Variants in ZNF385D observed in about 807,000 individuals in gnomAD.
ZNF385D encodes the protein zinc finger protein 385D, also known as zinc finger protein 659.
In ZNF385D, 15 loss-of-function variants were observed where a neutral mutation model predicts 35.8. That is an observed-to-expected ratio of 0.42 (90% CI 0.28 to 0.64). The LOEUF is 0.64. Among genes scored for constraint, ZNF385D ranks in the 30% least tolerant of loss-of-function variants. ZNF385D has a pLI of 0.23. For missense variants in ZNF385D, 474 were observed against 494.6 expected, an observed-to-expected ratio of 0.96 and a Z score of 0.39; for synonymous variants, 212 against 186.8, an observed-to-expected ratio of 1.13 and a Z score of -1.10.
chr3:21,657,248 T>C (rs1393177034), intron 2 of ZNF385D, among the ~76,000 whole-genome samples: 2 of 151,960 alleles, frequency 1.3e-5, no homozygotes, highest in Non-Finnish European at 2.9e-5. Flanking sequence ...TCTCTTTAGA[T>C]TTTGAATCAG....
intron 2 of ZNF385D, 110 bp downstream of exon 2, chr3:21,664,776 T>G (rs576275120): frequency 7.7e-6 from 11 of 1,430,036 alleles, no homozygotes; most frequent in Non-Finnish European, 2.9e-6. Context: ...AGACAAACCA[T>G]GCAATGAACA....
At chr3:21,926,500 T>A (rs1700737114) in intron 3 of ZNF385D, among the ~76,000 whole-genome samples, 1 of 152,192 alleles carries the variant, frequency 6.6e-6, no homozygotes, top group African/African-American at 2.4e-5. Context: ...TTCCATGGTG[T>A]ATATGTGCCA....
intron 2 of ZNF385D, among the ~76,000 whole-genome samples, chr3:22,264,353 C>T (rs147915301): frequency 1.4e-4 from 22 of 152,100 alleles, no homozygotes; most frequent in South Asian, 6.2e-4. Context: ...TAGGGCAGAA[C>T]GCCAATCCCA....
At chr3:22,162,966 G>A (rs533172145) in intron 3 of ZNF385D, among the ~76,000 whole-genome samples, 1 of 152,140 alleles carries the variant, frequency 6.6e-6, no homozygotes, top group Non-Finnish European at 1.5e-5. Context: ...CGTAAGAAAA[G>A]CAGGACATAG....
chr3:21,427,980 C>T (rs1394363161), intron 5 of ZNF385D, among the ~76,000 whole-genome samples: 1 of 152,032 alleles, frequency 6.6e-6, no homozygotes, highest in Admixed American at 6.6e-5. Flanking sequence ...GGTTACTATT[C>T]ACCATTAAAT....
At chr3:21,656,932 G>T (rs2066088381) in intron 2 of ZNF385D, among the ~76,000 whole-genome samples, 1 of 151,762 alleles carries the variant, frequency 6.6e-6, no homozygotes, top group South Asian at 2.1e-4. Context: ...TCTTATTTGG[G>T]TCCTCTTATT....
At chr3:21,589,637 A>G (rs1029978851) in intron 2 of ZNF385D, among the ~76,000 whole-genome samples, 1 of 152,296 alleles carries the variant, frequency 6.6e-6, no homozygotes, top group African/African-American at 2.4e-5. Flanking sequence ...AAGGATTAAT[A>G]TCCTTCAAAT....
intron 2 of ZNF385D, among the ~76,000 whole-genome samples, chr3:22,358,429 C>A (rs1350998950): frequency 6.6e-6 from 1 of 151,796 alleles, no homozygotes; most frequent in Non-Finnish European, 1.5e-5. Flanking sequence ...AAGTTGCATT[C>A]TGCATTCAAG....
chr3:22,125,137 T>C lies in ZNF385D; in HGVS notation c.325+43680A>G, dbSNP rs78297015. ...CTAGTCCCATTCTTTTGCATACATA[T>C]GTTCAGTTTACCCAGCATCATTATT... is the stretch of plus-strand genomic sequence containing the variant. On this transcript the variant is annotated intron_variant, in intron 3 of 5. Coordinates refer to the ZNF385D transcript ENST00000494108. Among the ~76,000 whole-genome samples, 983 of 152,262 alleles carry C rather than the reference T, an allele frequency of 6.5e-3. 17 individuals are homozygous for C. Among genetic ancestry groups the C allele is most frequent in the Non-Finnish European group, 8.5e-3 (581 of 67,986 alleles).
chr3:21,890,296 A>G (rs1011964633), intron 3 of ZNF385D, among the ~76,000 whole-genome samples: 4 of 152,202 alleles, frequency 2.6e-5, no homozygotes, highest in Non-Finnish European at 5.9e-5. Context: ...GTGGGAAAGA[A>G]AGAATGATGG....
intron 1 of ZNF385D, among the ~76,000 whole-genome samples, chr3:21,740,406 C>T (rs2125520613): frequency 6.6e-6 from 1 of 152,270 alleles, no homozygotes; most frequent in East Asian, 1.9e-4. Flanking sequence ...ATATAATCTT[C>T]AGGTAATTTG....
chr3:22,270,586 C>A (rs1247730419), intron 2 of ZNF385D, among the ~76,000 whole-genome samples: 1 of 151,830 alleles, frequency 6.6e-6, no homozygotes, highest in East Asian at 1.9e-4. Flanking sequence ...TTCCTAGATA[C>A]AATAAAATTT....
chr3:21,832,557 A>G (rs1181368354), intron 3 of ZNF385D, among the ~76,000 whole-genome samples: 1 of 152,174 alleles, frequency 6.6e-6, no homozygotes, highest in African/African-American at 2.4e-5. Context: ...AACATCTCCC[A>G]AACTTTAAGG....
At chr3:21,660,093 TG>T (rs1559496824) in intron 2 of ZNF385D, among the ~76,000 whole-genome samples, 1 of 150,358 alleles carries the variant, frequency 6.7e-6, no homozygotes, top group African/African-American at 2.4e-5. Flanking sequence ...TGCTAGGACT[TG>T]ATCTCTCTCT....
chr3:22,283,816 G>A (rs1312311430), intron 2 of ZNF385D, among the ~76,000 whole-genome samples: 2 of 152,110 alleles, frequency 1.3e-5, no homozygotes, highest in South Asian at 4.1e-4. Flanking sequence ...CTATGGGAAG[G>A]TACAATTTTC....
intron 2 of ZNF385D, among the ~76,000 whole-genome samples, chr3:22,333,844 G>C (rs1033645986): frequency 2.0e-5 from 3 of 152,164 alleles, no homozygotes; most frequent in Non-Finnish European, 4.4e-5. Flanking sequence ...ATACCAGAGA[G>C]AGAAATAGGC....
At chr3:22,259,700 A>AG (rs1473805091) in intron 2 of ZNF385D, among the ~76,000 whole-genome samples, 1 of 152,014 alleles carries the variant, frequency 6.6e-6, no homozygotes, top group African/African-American at 2.4e-5. Context: ...TAGGAAAAAA[A>AG]CTATGAGCAC....
intron 4 of ZNF385D, among the ~76,000 whole-genome samples, chr3:21,440,818 TAATC>T (rs1701821546): frequency 6.6e-6 from 1 of 152,152 alleles, no homozygotes; most frequent in South Asian, 2.1e-4. Flanking sequence ...TGTAGAATCA[TAATC>T]AGAAAGAAGC....
intron 2 of ZNF385D, among the ~76,000 whole-genome samples, chr3:22,241,176 A>G (rs1418053275): frequency 1.3e-5 from 2 of 151,154 alleles, no homozygotes; most frequent in East Asian, 3.9e-4. Context: ...GTACTGAAAC[A>G]TTTTTCTCCT....
Sources: allele counts gnomAD v4.1 joint callset (sites outside exome capture counted in the v4.1 genomes callset), GRCh38; gene constraint gnomAD v4.1.1; transcripts MANE v1.5; gene names NCBI Gene and HGNC (gene_info 2026-07-23, HGNC 2026-07-21).